The following MYO18B variants were observed in gnomAD, a reference collection of about 807,000 sequenced individuals.
The protein encoded by MYO18B is myosin XVIIIB.
A neutral mutation model predicts 273.0 loss-of-function variants in MYO18B; 204 were observed. The observed-to-expected ratio is 0.75, with a 90% confidence interval of 0.67 to 0.84. The LOEUF (loss-of-function observed/expected upper bound fraction) is 0.84, where lower values mean the gene tolerates loss of function less well. Ranked by LOEUF, MYO18B falls within the 40% of genes least tolerant of loss-of-function variation. The pLI, the probability that MYO18B is intolerant of heterozygous loss-of-function variation, is 0.00. For missense variants in MYO18B, 3,212 were observed against 3,287.6 expected (o/e 0.98, Z 0.56); for synonymous variants, 1,330 against 1,305.7 (o/e 1.02, Z -0.40).
In MYO18B at chr22:25,841,806, G is replaced by T. The variant is rs371109099; in HGVS notation, c.3209-1929G>T. The stretch of plus-strand genomic sequence containing the variant: ...TGAGTCAACCAGTCCCTGCTCTCCA[G>T]TTGCTTCTAGGACAGTGGAAGGAGG... On this transcript the variant is annotated intron_variant, in intron 17 of 43. Coordinates refer to ENST00000335473, the MANE Select transcript of MYO18B (RefSeq NM_032608.7). Among the ~76,000 whole-genome samples the T allele has an allele frequency of 1.7e-3, 257 of 152,332 alleles. 12 individuals carry two copies. In the South Asian group the frequency reaches 0.052, roughly 31 times the overall value.
At chr22:25,788,569 C>T (rs959290264) in intron 11 of MYO18B, among the ~76,000 whole-genome samples, 2 of 152,310 alleles carry the variant, frequency 1.3e-5, no homozygotes, top group African/African-American at 4.8e-5. Flanking sequence ...GGCCAGCATT[C>T]TTGCTGTACC....
chr22:25,770,773 C>A, intron 5 of MYO18B, 99 bp from the exon 6 acceptor site: 1 of 826,084 alleles, frequency 1.2e-6, no homozygotes, highest in Non-Finnish European at 2.0e-6. Context: ...GCTTGCTGGC[C>A]CGGCTTAGAG....
chr22:26,011,910 C>T (rs967083021), intron 42 of MYO18B, among the ~76,000 whole-genome samples: 2 of 152,136 alleles, frequency 1.3e-5, no homozygotes, highest in South Asian at 2.1e-4. Context: ...AACTGCTTTT[C>T]GTTTGGCTAA....
intron 42 of MYO18B, among the ~76,000 whole-genome samples, chr22:26,016,301 A>C (rs1014604526): frequency 6.6e-5 from 10 of 152,220 alleles, no homozygotes; most frequent in Non-Finnish European, 1.3e-4. Context: ...GCACCATCTC[A>C]TCAGAGTGTG....
At chr22:25,799,990 A>T (rs9624903) in intron 12 of MYO18B, among the ~76,000 whole-genome samples, 32,186 of 152,132 alleles carry the variant, frequency 0.21, 3,864 homozygotes, top group Middle Eastern at 0.27. Flanking sequence ...CACACACACC[A>T]TGGAATACTA....
chr22:25,855,693 A>G (rs1003533429), intron 21 of MYO18B, among the ~76,000 whole-genome samples: 1 of 152,272 alleles, frequency 6.6e-6, no homozygotes, highest in South Asian at 2.1e-4. Flanking sequence ...TACTATTGCA[A>G]ATGGTGCTGC....
At chr22:26,041,014 G>A in the MYO18B span, among the ~76,000 whole-genome samples, 317 of 152,300 alleles carry the variant, frequency 2.1e-3, 1 homozygote, top group African/African-American at 7.2e-3. Flanking sequence ...GAGCAAACTA[G>A]GATGAGGTTT....
intron 21 of MYO18B, among the ~76,000 whole-genome samples, chr22:25,854,290 A>G (rs1034410878): frequency 2.0e-5 from 3 of 152,232 alleles, no homozygotes; most frequent in Non-Finnish European, 4.4e-5. Flanking sequence ...TCACAGATGC[A>G]TAAACTCTCA....
At chr22:25,967,995 C>G (rs1223272884) in intron 39 of MYO18B, among the ~76,000 whole-genome samples, 1 of 152,124 alleles carries the variant, frequency 6.6e-6, no homozygotes, top group Non-Finnish European at 1.5e-5. Context: ...TGAACATTTA[C>G]CAGCACACCA....
chr22:25,748,580 A>C (rs979852449), intron 1 of MYO18B, among the ~76,000 whole-genome samples: 3 of 152,116 alleles, frequency 2.0e-5, no homozygotes, highest in Admixed American at 1.3e-4. Context: ...CCATGTGTAA[A>C]GGCCCCAGGT....
chr22:25,973,996 T>G (rs1052791770), intron 39 of MYO18B, among the ~76,000 whole-genome samples: 3 of 152,234 alleles, frequency 2.0e-5, no homozygotes, highest in African/African-American at 7.2e-5. Context: ...GTCATCCTAG[T>G]CTTAGGACGG....
downstream of MYO18B, among the ~76,000 whole-genome samples, chr22:26,033,080 C>T (rs1371049755): frequency 4.6e-5 from 7 of 152,084 alleles, no homozygotes; most frequent in Non-Finnish European, 8.8e-5. Context: ...AGAGGTAATT[C>T]GGGAAGTCAG....
At chr22:25,842,333 T>C (rs12157367) in intron 17 of MYO18B, among the ~76,000 whole-genome samples, 19 of 152,264 alleles carry the variant, frequency 1.2e-4, no homozygotes, top group African/African-American at 4.3e-4. Flanking sequence ...GTAAGATCGT[T>C]CCGAATAGAT....
At chr22:25,917,846 G>T (rs960512985) in intron 33 of MYO18B, among the ~76,000 whole-genome samples, 2 of 151,758 alleles carry the variant, frequency 1.3e-5, no homozygotes, top group African/African-American at 2.4e-5. Flanking sequence ...TTCTTTTGGT[G>T]GTTACTCATA....
chr22:25,912,085 C>T (rs1252626313), intron 33 of MYO18B, among the ~76,000 whole-genome samples: 1 of 152,182 alleles, frequency 6.6e-6, no homozygotes, highest in Non-Finnish European at 1.5e-5. Flanking sequence ...TGTGGGTGCA[C>T]TTCAGGTGAT....
chr22:25,981,247 A>G (rs1200024872), intron 39 of MYO18B, among the ~76,000 whole-genome samples: 1 of 152,262 alleles, frequency 6.6e-6, no homozygotes, highest in Non-Finnish European at 1.5e-5. Flanking sequence ...GATTCAACTC[A>G]TAAACAGATG....
chr22:25,785,406 C>T, intron 10 of MYO18B, 22 bp from the exon 11 acceptor site: 1 of 1,597,558 alleles, frequency 6.3e-7, no homozygotes, highest in Non-Finnish European at 8.5e-7. Flanking sequence ...CCCCTGACTC[C>T]TGGTTCCTTC....
chr22:25,797,560 C>T (rs1486193303), intron 11 of MYO18B, among the ~76,000 whole-genome samples: 1 of 152,184 alleles, frequency 6.6e-6, no homozygotes, highest in South Asian at 2.1e-4. Context: ...CATAGCCTAC[C>T]TACCACTTAG....
chr22:25,967,827 A>G (rs139902003), intron 39 of MYO18B, among the ~76,000 whole-genome samples: 1 of 152,294 alleles, frequency 6.6e-6, no homozygotes, highest in Non-Finnish European at 1.5e-5. Flanking sequence ...GCTGGGGTCA[A>G]CCCGTATCTG....
Sources: gnomAD v4.1 joint callset for allele counts (sites outside exome capture counted in the v4.1 genomes callset) on GRCh38, gnomAD v4.1.1 for gene constraint, MANE v1.5 for transcripts, NCBI Gene and HGNC (gene_info 2026-07-23, HGNC 2026-07-21) for gene names.